The following TENM4 variants were observed in gnomAD, a reference collection of about 807,000 sequenced individuals.
TENM4 encodes teneurin-4.
In TENM4, 82 loss-of-function variants were observed where a neutral mutation model predicts 243.3. That is an observed-to-expected ratio of 0.34 (90% confidence interval 0.28 to 0.40). The LOEUF (loss-of-function observed/expected upper bound fraction) is 0.40. Among genes scored for constraint, TENM4 ranks in the 10% least tolerant of loss-of-function variants. The probability of loss-of-function intolerance (pLI) is 1.00; values close to 1 mark genes in which losing one functional copy is unlikely to be tolerated. For missense variants in TENM4, 3,138 were observed against 3,673.3 expected, an observed-to-expected ratio of 0.85 and a Z score of 3.77; for synonymous variants, 1,412 against 1,456.3, an observed-to-expected ratio of 0.97 and a Z score of 0.69.
At chr11:79,187,124 A>G (rs926122666) in intron 3 of TENM4, among the ~76,000 whole-genome samples, 3 of 152,184 alleles carry the variant, frequency 2.0e-5, no homozygotes, top group Non-Finnish European at 4.4e-5. Context: ...CTCTAATGAT[A>G]TGATAATGCT....
chr11:78,885,061 T>A (rs919759521), intron 9 of TENM4, among the ~76,000 whole-genome samples: 2 of 152,202 alleles, frequency 1.3e-5, no homozygotes, highest in African/African-American at 4.8e-5. Context: ...TCACACCTTT[T>A]TTGCTAAACA....
At chr11:79,276,214 G>A (rs1013912785) in intron 2 of TENM4, among the ~76,000 whole-genome samples, 9 of 152,238 alleles carry the variant, frequency 5.9e-5, no homozygotes, top group African/African-American at 1.9e-4. Flanking sequence ...CTGTTGCCAA[G>A]TATACTTATA....
chr11:79,215,976 A>G, intron 2 of TENM4, 67 bp from the exon 3 acceptor site: 1 of 448,040 alleles, frequency 2.2e-6, no homozygotes, highest in Non-Finnish European at 2.9e-6. Context: ...TTTCTCACAG[A>G]CCCTCCGCTC....
At chr11:78,778,690 C>A in intron 16 of TENM4, 62 bp from the exon 17 acceptor site, 7 of 1,479,600 alleles carry the variant, frequency 4.7e-6, no homozygotes, top group Non-Finnish European at 6.6e-6. Context: ...TCGCCTGCCA[C>A]ATAACCATGC....
In TENM4 at chr11:79,257,634, C is replaced by T. The variant is rs570624445; in HGVS notation, c.-265+39854G>A. 3.3e-5 allele frequency among the ~76,000 whole-genome samples: 5 copies of T among 152,294 alleles called. No homozygotes were observed. The East Asian group carries it at 9.7e-4, about 29-fold the overall frequency. On this transcript the variant is annotated intron_variant, in intron 2 of 33. Transcript: ENST00000278550. ...ATAGTTGACACGTGTCTTTGACACA[C>T]AGGCTGCCAAACCATCTGCCAGGGA... is the stretch of plus-strand genomic sequence containing the variant.
intron 3 of TENM4, among the ~76,000 whole-genome samples, chr11:79,165,854 T>A (rs1453110612): frequency 6.6e-6 from 1 of 152,232 alleles, no homozygotes; most frequent in Non-Finnish European, 1.5e-5. Flanking sequence ...TTCTTCTACA[T>A]GTGGCTTGAC....
chr11:78,860,854 TTAAAA>T (rs1277472387), intron 10 of TENM4, among the ~76,000 whole-genome samples: 2 of 152,244 alleles, frequency 1.3e-5, no homozygotes, highest in Non-Finnish European at 2.9e-5. Context: ...AATACTCCAA[TTAAAA>T]TAAACCAATA....
chr11:79,389,147 G>GT (rs917446491), intron 1 of TENM4, among the ~76,000 whole-genome samples: 2 of 151,934 alleles, frequency 1.3e-5, no homozygotes, highest in African/African-American at 4.8e-5. Context: ...GACGAGTGGG[G>GT]TTTTTTTAGT....
chr11:79,167,860 G>T (rs919360516), intron 3 of TENM4, among the ~76,000 whole-genome samples: 2 of 152,140 alleles, frequency 1.3e-5, no homozygotes, highest in African/African-American at 2.4e-5. Context: ...CTGTGGCTGG[G>T]GCACCTACCC....
intron 25 of TENM4, among the ~76,000 whole-genome samples, chr11:78,714,861 C>G (rs615439): frequency 1.3e-5 from 2 of 152,066 alleles, no homozygotes; most frequent in Admixed American, 6.5e-5. Context: ...GCCTTCTCCC[C>G]GTGCATGGAG....
intron 13 of TENM4, among the ~76,000 whole-genome samples, chr11:78,812,993 C>T (rs1207590541): frequency 6.6e-6 from 1 of 152,128 alleles, no homozygotes; most frequent in Non-Finnish European, 1.5e-5. Flanking sequence ...TCCAATAAGG[C>T]TTTTTTACAC....
chr11:79,222,108 T>C (rs1864169284), intron 2 of TENM4, among the ~76,000 whole-genome samples: 2 of 152,246 alleles, frequency 1.3e-5, no homozygotes, highest in Admixed American at 6.5e-5. Context: ...CTGAACCTTA[T>C]GTTCAGTCTT....
chr11:78,726,087 A>C lies in TENM4; in HGVS notation c.3542T>G (p.Ile1181Ser). 1 of 1,613,964 alleles carries C rather than the reference A, an allele frequency of 6.2e-7. No homozygotes were observed. Among genetic ancestry groups the C allele is most frequent in the Non-Finnish European group, 8.5e-7 (1 of 1,179,860 alleles). The change falls in exon 23 of 34, where the codon ATT becomes AGT. Residue 1181 changes from isoleucine (I) to serine (S), a missense_variant. Physicochemically the swap from Ile to Ser is moderately radical, Grantham distance 142 (BLOSUM62 -2). Around this residue, in one of 2 missense-constraint regions of TENM4, gnomAD observed 2,467 missense variants for 3,059.1 expected, o/e 0.81. Transcript: ENST00000278550. ...TCTATTAATCCACTTACCACTTTGA[A>C]TGTTGAGGGCATGATGTTTGTCTAG... is the stretch of plus-strand genomic sequence containing the variant. ...WSLDKHHALN[I>S]QSGILHKGNG...
intron 19 of TENM4, among the ~76,000 whole-genome samples, chr11:78,752,581 A>G (rs543066286): frequency 2.0e-5 from 3 of 152,282 alleles, no homozygotes; most frequent in East Asian, 1.9e-4. Context: ...CAAACTACAA[A>G]TTGTGGCACA....
Position 78,669,938 on chromosome 11 carries a change from G to A in TENM4, c.6407C>T (p.Thr2136Ile). 1 of 1,613,864 alleles carries A rather than the reference G, an allele frequency of 6.2e-7. No individual in the cohort carries two copies. Among genetic ancestry groups the A allele is most frequent in the Non-Finnish European group, 8.5e-7 (1 of 1,179,864 alleles). ...IYYDINQIITTAVMTHTKHFD... is the reference protein window; with the variant it reads ...IYYDINQIITIAVMTHTKHFD... ...ATGCTTGGTGTGGGTCATGACAGCT[G>A]TGGTGATGATCTGGTTAATGTCATA... The change falls in exon 32 of 34, where the codon ACA becomes ATA. Residue 2136 changes from threonine (T) to isoleucine (I), a missense_variant. By Grantham distance (89) the Thr-to-Ile change is moderately conservative (BLOSUM62 -1). Around this residue, in one of 2 missense-constraint regions of TENM4, gnomAD observed 2,467 missense variants for 3,059.1 expected, o/e 0.81. Transcript: ENST00000278550. The surrounding 1 kb of genome is among the most constrained non-coding windows in gnomAD (Gnocchi z 6.4).
At chr11:78,841,829 G>T (rs73498576) in intron 12 of TENM4, among the ~76,000 whole-genome samples, 2,524 of 152,148 alleles carry the variant, frequency 0.017, 53 homozygotes, top group African/African-American at 0.05. Context: ...TGAACTCGTG[G>T]TGACCCTGCT....
intron 1 of TENM4, among the ~76,000 whole-genome samples, chr11:79,376,854 A>C (rs1857902428): frequency 6.6e-6 from 1 of 152,118 alleles, no homozygotes; most frequent in South Asian, 2.1e-4. Context: ...CTTATTCTCT[A>C]TGCAGCCCCT....
intron 2 of TENM4, among the ~76,000 whole-genome samples, chr11:79,285,115 G>A (rs1401875019): frequency 1.3e-5 from 2 of 152,128 alleles, no homozygotes; most frequent in African/African-American, 4.8e-5. Context: ...GTGGGCATCT[G>A]TAGTCCCAGC....
At chr11:78,973,338 G>A (rs1857583386) in intron 6 of TENM4, among the ~76,000 whole-genome samples, 1 of 152,182 alleles carries the variant, frequency 6.6e-6, no homozygotes, top group Admixed American at 6.5e-5. Context: ...GTCAACACTT[G>A]TTATTATCTG....
Sources: gnomAD v4.1 joint callset for allele counts (sites outside exome capture counted in the v4.1 genomes callset) on GRCh38, gnomAD v4.1.1 for gene constraint, gnomAD v4.1.1 regional missense constraint, Gnocchi (gnomAD v3.1) non-coding constraint, MANE v1.5 for transcripts, NCBI Gene and HGNC (gene_info 2026-07-23, HGNC 2026-07-21) for gene names.